Variants in PDGFRA observed in about 807,000 individuals in gnomAD.
The protein encoded by PDGFRA is platelet-derived growth factor receptor alpha.
In PDGFRA, 25 loss-of-function variants were observed where a neutral mutation model predicts 121.5. That is an observed-to-expected ratio of 0.21 (90% confidence interval 0.15 to 0.29). PDGFRA has a LOEUF of 0.29. Among genes scored for constraint, PDGFRA ranks in the 10% least tolerant of loss-of-function variants. The pLI, the probability that PDGFRA is intolerant of heterozygous loss-of-function variation, is 1.00. For missense variants in PDGFRA, 1,008 were observed against 1,345.1 expected (o/e 0.75, Z 3.92); for synonymous variants, 463 against 494.8 (o/e 0.94, Z 0.85).
At chr4:54,234,502 C>CTTTATTT (rs937351579) in intron 1 of PDGFRA, among the ~76,000 whole-genome samples, 1 of 152,126 alleles carries the variant, frequency 6.6e-6, no homozygotes, top group East Asian at 1.9e-4. Flanking sequence ...TAGGAAGGTG[C>CTTTATTT]TTTATTTTTT....
chr4:54,289,224 G>A lies in PDGFRA; in HGVS notation c.2880+110G>A, dbSNP rs1724509866. On this transcript the variant is annotated intron_variant, in intron 21 of 22. Coordinates refer to ENST00000257290, the MANE Select transcript of PDGFRA (RefSeq NM_006206.6). ...GCATTTTCAAAAGAGGCAAAAGACT[G>A]TGTGATCCAGTGGCTGGGCTTCATG... 4.1e-6 allele frequency: 3 copies of A among 729,576 alleles called. No homozygotes were observed. The Admixed American group carries it at 6.0e-5, about 15-fold the overall frequency. 45.2% of individuals were successfully genotyped at this position (729,576 alleles called of 1,614,324 possible). A position where few individuals can be genotyped will look rare whatever the true frequency, so the allele number is the denominator to read the frequency against.
intron 12 of PDGFRA, among the ~76,000 whole-genome samples, chr4:54,275,877 G>A (rs1723692002): frequency 6.6e-6 from 1 of 152,192 alleles, no homozygotes; most frequent in Non-Finnish European, 1.5e-5. Flanking sequence ...AACTAACTTT[G>A]AGAGGAACTT....
chr4:54,280,972 A>T (rs543230421), intron 16 of PDGFRA, among the ~76,000 whole-genome samples: 1 of 151,992 alleles, frequency 6.6e-6, no homozygotes, highest in African/African-American at 2.4e-5. Flanking sequence ...CCTTGCTTTT[A>T]CTTTTCCTAA....
Position 54,267,498 on chromosome 4 carries a change from G to A in PDGFRA, c.931+38G>A, listed in dbSNP as rs762081590. 1.9e-6 allele frequency: 3 copies of A among 1,613,650 alleles called. No homozygotes were observed. In the Admixed American group the frequency reaches 5.0e-5, roughly 27 times the overall value. ...TTCTAAAATGTCAGTTGTCCATGCTGCTCGGGATCCATATGTGGTAATCAT... is the reference window on the plus strand; with the variant it reads ...TTCTAAAATGTCAGTTGTCCATGCTACTCGGGATCCATATGTGGTAATCAT... On this transcript the variant is annotated intron_variant, in intron 6 of 22. Transcript: ENST00000257290.
chr4:54,289,253 G>A (rs1724511197), intron 21 of PDGFRA, 139 bp downstream of exon 21: 1 of 704,956 alleles, frequency 1.4e-6, no homozygotes, highest in Non-Finnish European at 2.6e-6. Context: ...CTTCATGGCG[G>A]TGCTCCACGA....
chr4:54,244,567 T>TACATC (rs1553900050), intron 1 of PDGFRA, among the ~76,000 whole-genome samples: 1 of 152,104 alleles, frequency 6.6e-6, no homozygotes, highest in Non-Finnish European at 1.5e-5. Flanking sequence ...AACCCATCTG[T>TACATC]ACATCACCAT....
intron 22 of PDGFRA, among the ~76,000 whole-genome samples, chr4:54,293,351 C>T (rs73820714): frequency 0.033 from 4,956 of 151,486 alleles, 256 homozygotes; most frequent in African/African-American, 0.11. Flanking sequence ...CTGTGTGCTT[C>T]TGTCAAGAGG....
At chr4:54,263,012 C>G (rs554782582) in intron 3 of PDGFRA, among the ~76,000 whole-genome samples, 1 of 152,268 alleles carries the variant, frequency 6.6e-6, no homozygotes, top group South Asian at 2.1e-4. Flanking sequence ...AACTTCTTAC[C>G]ACCGTAGCTT....
intron 16 of PDGFRA, among the ~76,000 whole-genome samples, chr4:54,284,718 C>A (rs1193903990): frequency 3.9e-5 from 6 of 152,014 alleles, no homozygotes; most frequent in African/African-American, 1.5e-4. Flanking sequence ...CCAGTCACCT[C>A]CCACCAGGCC....
chr4:54,287,953 G>C (rs1258358972), intron 19 of PDGFRA, among the ~76,000 whole-genome samples: 3 of 152,124 alleles, frequency 2.0e-5, no homozygotes, highest in Non-Finnish European at 4.4e-5. Flanking sequence ...GTGGCGGGAA[G>C]GGCAGGGCTC....
chr4:54,293,560 A>T (rs931593113), intron 22 of PDGFRA, among the ~76,000 whole-genome samples: 2 of 150,726 alleles, frequency 1.3e-5, no homozygotes, highest in Non-Finnish European at 2.9e-5. Flanking sequence ...CCTCCTGAGT[A>T]GCTGGGATTA....
chr4:54,280,645 G>T, intron 16 of PDGFRA, 163 bp downstream of exon 16: 1 of 583,340 alleles, frequency 1.7e-6, no homozygotes, highest in Admixed American at 2.9e-5. Context: ...ATGTTTCCAG[G>T]TTTGTGGCCT....
In PDGFRA at chr4:54,272,420, G is replaced by A. The variant is rs770847351; in HGVS notation, c.1264G>A (p.Asp422Asn). 3 of 1,613,842 alleles carry A rather than the reference G, an allele frequency of 1.9e-6. No individual in the cohort carries two copies. The highest frequency in any genetic ancestry group is 1.3e-5 in the African/African-American group (1 of 74,876). ...QVPSSILDLV[D>N]DHHGSTGGQT... ...TCCTTCATCCATTCTGGACTTGGTCGATGATCACCATGGCTCAACTGGGGG... is the reference window on the plus strand; with the variant it reads ...TCCTTCATCCATTCTGGACTTGGTCAATGATCACCATGGCTCAACTGGGGG... Residue 422 changes from aspartate (D) to asparagine (N), a missense_variant, in exon 9 of 23, where the codon GAT becomes AAT. Coordinates refer to ENST00000257290, the MANE Select transcript of PDGFRA (RefSeq NM_006206.6).
At chr4:54,256,647 C>T (rs911859059) in intron 1 of PDGFRA, among the ~76,000 whole-genome samples, 1 of 151,738 alleles carries the variant, frequency 6.6e-6, no homozygotes, top group African/African-American at 2.4e-5. Flanking sequence ...CTGGTTCAAG[C>T]GATTTGCCTT....
chr4:54,288,822 A>T lies in PDGFRA; in HGVS notation c.2698A>T (p.Met900Leu), dbSNP rs1553906446. 2 of 1,612,772 alleles carry T rather than the reference A, an allele frequency of 1.2e-6. No individual in the cohort carries two copies. The highest frequency in any genetic ancestry group is 2.2e-5 in the East Asian group (1 of 44,884). The part of the protein sequence containing the change: ...SLGGTPYPGM[M>L]VDSTFYNKIK... ...AGGTGGCACCCCTTACCCCGGCATGATGGTGGATTCTACTTTCTACAATAA... is the reference window on the plus strand; with the variant it reads ...AGGTGGCACCCCTTACCCCGGCATGTTGGTGGATTCTACTTTCTACAATAA... Residue 900 changes from methionine to leucine, a missense_variant, in exon 20 of 23, where the codon ATG (methionine) becomes TTG (leucine). Around this residue, in one of 5 missense-constraint regions of PDGFRA, gnomAD observed 204 missense variants for 243.0 expected, o/e 0.84. Transcript: ENST00000257290.
chr4:54,249,995 A>C (rs2110213744), intron 1 of PDGFRA, among the ~76,000 whole-genome samples: 1 of 152,274 alleles, frequency 6.6e-6, no homozygotes, highest in South Asian at 2.1e-4. Context: ...TTTGTCTATA[A>C]AGTTTTATTA....
At chr4:54,261,898 C>CATATATATATATATAT (rs397880252) in intron 3 of PDGFRA, among the ~76,000 whole-genome samples, 1 of 95,304 alleles carries the variant, frequency 1.0e-5, no homozygotes, top group African/African-American at 4.1e-5. Flanking sequence ...AAAAAAGTTA[C>CATATATATATATATAT]ATATATATAT....
chr4:54,248,200 A>T (rs1396032732), intron 1 of PDGFRA, among the ~76,000 whole-genome samples: 1 of 152,204 alleles, frequency 6.6e-6, no homozygotes, highest in African/African-American at 2.4e-5. Flanking sequence ...TTCTTCACAG[A>T]ATTGGAAAAA....
At chr4:54,257,729 G>C (rs1022778137) in intron 1 of PDGFRA, among the ~76,000 whole-genome samples, 1 of 152,174 alleles carries the variant, frequency 6.6e-6, no homozygotes, top group African/African-American at 2.4e-5. Flanking sequence ...AATGAGGGGG[G>C]AGATAAAATA....
Sources: gnomAD v4.1 joint callset for allele counts (sites outside exome capture counted in the v4.1 genomes callset) on GRCh38, gnomAD v4.1.1 for gene constraint, gnomAD v4.1.1 regional missense constraint, MANE v1.5 for transcripts, NCBI Gene and HGNC (gene_info 2026-07-23, HGNC 2026-07-21) for gene names.